CAMK2A: variants seen among roughly 807,000 people sequenced by gnomAD.
CAMK2A encodes the protein calcium/calmodulin dependent protein kinase II alpha.
Under a neutral mutation model 79.2 loss-of-function variants are expected in CAMK2A, and 7 were observed. That is an observed-to-expected ratio of 0.09 (90% CI 0.05 to 0.17). The LOEUF (loss-of-function observed/expected upper bound fraction) is 0.17, where lower values mean the gene tolerates loss of function less well. Among genes scored for constraint, CAMK2A ranks in the 10% least tolerant of loss-of-function variants. The pLI is 1.00. For missense variants in CAMK2A, 214 were observed against 646.4 expected, an observed-to-expected ratio of 0.33 and a Z score of 7.25; for synonymous variants, 242 against 251.7, an observed-to-expected ratio of 0.96 and a Z score of 0.36.
chr5:150,239,864 G>C, intron 13 of CAMK2A, 128 bp from the exon 14 acceptor site: 4 of 812,206 alleles, frequency 4.9e-6, no homozygotes, highest in Non-Finnish European at 8.6e-6. Flanking sequence ...GTCCTTTGTC[G>C]GCTTGGCATC....
chr5:150,239,705 A>G lies in CAMK2A; in HGVS notation c.1016T>C (p.Met339Thr). Reference protein sequence around the residue: ...KRKSSSSVQLMESSESTNTTI... With the variant: ...KRKSSSSVQLTESSESTNTTI... ...CGTTAGGAGACGGCAGACACTCACC[A>G]TTAACTGAACGCTGGAACTGGACTT... The change falls in exon 14 of 19, where the codon ATG becomes ACG. Residue 339 changes from methionine to threonine, a missense_variant and splice_region_variant. Met to Thr is a moderately conservative substitution (Grantham distance 81). Transcript: ENST00000671881. The G allele has an allele frequency of 6.2e-7, 1 of 1,614,014 alleles. No homozygotes were observed. The highest frequency in any genetic ancestry group is 8.5e-7 in the Non-Finnish European group (1 of 1,179,888).
At position 150,256,683 on chromosome 5, in the gene CAMK2A, G is replaced by A; in HGVS notation, c.339-38C>T. 3 of 1,609,170 alleles carry A rather than the reference G, an allele frequency of 1.9e-6. No individual in the cohort carries two copies. Among genetic ancestry groups the A allele is most frequent in the South Asian group, 1.1e-5 (1 of 90,942 alleles). The stretch of plus-strand genomic sequence containing the variant: ...AGAGGAAGGGGTCATGGTGGTGTGA[G>A]CACAGGCCTCCCCTGGGAAGCTGAC... On this transcript the variant is annotated intron_variant, in intron 5 of 18. Transcript: ENST00000671881. This position sits in a 1 kb window ranked among gnomAD's most constrained non-coding sequence, Gnocchi z 4.6.
intron 15 of CAMK2A, among the ~76,000 whole-genome samples, chr5:150,233,661 A>C (rs1345673221): frequency 6.6e-6 from 1 of 152,174 alleles, no homozygotes; most frequent in East Asian, 1.9e-4. Flanking sequence ...GACTTGCCCA[A>C]GTTGCCTGGT....
intron 14 of CAMK2A, among the ~76,000 whole-genome samples, chr5:150,239,495 G>C (rs996246964): frequency 6.6e-6 from 1 of 152,124 alleles, no homozygotes; most frequent in African/African-American, 2.4e-5. Context: ...TCAGCCTGCT[G>C]GTCTGGGCCG....
intron 3 of CAMK2A, among the ~76,000 whole-genome samples, chr5:150,261,955 C>T (rs755182867): frequency 1.3e-5 from 2 of 152,184 alleles, no homozygotes; most frequent in Non-Finnish European, 2.9e-5. Context: ...ACTTCCCTTC[C>T]CCACCACAAA....
At chr5:150,250,543 T>G (rs1755785661) in intron 10 of CAMK2A, 145 bp downstream of exon 10, 1 of 1,172,436 alleles carries the variant, frequency 8.5e-7, no homozygotes, top group Non-Finnish European at 1.2e-6. Context: ...GTTTCCACAT[T>G]ACCCCTGAGA....
chr5:150,238,828 C>A, intron 14 of CAMK2A, 80 bp from the exon 15 acceptor site: 2 of 1,265,480 alleles, frequency 1.6e-6, no homozygotes, highest in Non-Finnish European at 1.1e-6. Flanking sequence ...TGCCTGGTGA[C>A]GCGGCTGGTT....
chr5:150,255,769 AC>A lies in CAMK2A; in HGVS notation c.411+803del, dbSNP rs909721277. 3.4e-4 allele frequency among the ~76,000 whole-genome samples: 52 copies of A among 152,220 alleles called. 3 individuals carry two copies. Among genetic ancestry groups the A allele is most frequent in the Non-Finnish European group, 1.5e-5 (1 of 68,030 alleles). ...GAGCTGGATAGAGTGACCTTTTGGCACCAGACTCCCAAGGTCACAGGATCAG... is the reference window on the plus strand; with the variant it reads ...GAGCTGGATAGAGTGACCTTTTGGCACAGACTCCCAAGGTCACAGGATCAG... On this transcript the variant is annotated intron_variant, in intron 6 of 18. Transcript: ENST00000671881.
At chr5:150,247,694 A>G in intron 12 of CAMK2A, 78 bp downstream of exon 12, 1 of 1,205,404 alleles carries the variant, frequency 8.3e-7, no homozygotes, top group Non-Finnish European at 1.2e-6. Context: ...GCCTGGGGGC[A>G]CTCCAATATC....
chr5:150,256,496 C>G lies in CAMK2A; in HGVS notation c.411+77G>C. On this transcript the variant is annotated intron_variant, in intron 6 of 18. Transcript: ENST00000671881. This position sits in a 1 kb window ranked among gnomAD's most constrained non-coding sequence, Gnocchi z 4.6. ...GAAATTAAAGCGATTCTGATAATGTCCAGCTCTGCAGGATTAGGGACGTGC... is the reference window on the plus strand; with the variant it reads ...GAAATTAAAGCGATTCTGATAATGTGCAGCTCTGCAGGATTAGGGACGTGC... The G allele has an allele frequency of 1.0e-6, 1 of 959,714 alleles. No homozygotes were observed. Among genetic ancestry groups the G allele is most frequent in the Admixed American group, 1.9e-5 (1 of 53,080 alleles). The allele number at this position is 959,714 out of a possible 1,614,324, so 59.4% of individuals were successfully genotyped here.
intron 13 of CAMK2A, among the ~76,000 whole-genome samples, chr5:150,242,052 G>A (rs530937189): frequency 2.0e-4 from 30 of 152,330 alleles, no homozygotes; most frequent in African/African-American, 6.5e-4. Context: ...GGGGAGAGAG[G>A]TCACGATGCA....
intron 15 of CAMK2A, among the ~76,000 whole-genome samples, chr5:150,233,466 G>A (rs1754931709): frequency 2.0e-5 from 3 of 152,166 alleles, no homozygotes; most frequent in Admixed American, 2.0e-4. Context: ...CCTGGGCTGG[G>A]AATGAGTCCA....
chr5:150,241,485 T>A (rs1755336433), intron 13 of CAMK2A, among the ~76,000 whole-genome samples: 2 of 131,330 alleles, frequency 1.5e-5, no homozygotes, highest in Non-Finnish European at 3.2e-5. Flanking sequence ...TCCTCCTTCT[T>A]CTCTTCCTTC....
rs375813680 is a variant in CAMK2A at position 150,245,173 on chromosome 5, G to A, written c.972C>T (p.Ser324=). ...TGGAGGGGCTTACCTTCACACCATC[G>A]CTCTTCTTGTTTCCCCCACTCTTCC... ...SGGKSGGNKK[S]DGVKKRKSSS... is the part of the protein sequence containing the mutation. Residue 324 remains serine, a synonymous_variant, in exon 13 of 19, where the codon AGC becomes AGT. Coordinates refer to ENST00000671881, the MANE Select transcript of CAMK2A (RefSeq NM_015981.4). The A allele has an allele frequency of 6.3e-5, 102 of 1,613,838 alleles. No homozygotes were observed. Among genetic ancestry groups the A allele is most frequent in the Middle Eastern group, 1.6e-4 (1 of 6,078 alleles).
Position 150,225,937 on chromosome 5 carries a change from G to A in CAMK2A, c.1237+2255C>T, listed in dbSNP as rs112421855. On this transcript the variant is annotated intron_variant, in intron 17 of 18. Coordinates refer to ENST00000671881, the MANE Select transcript of CAMK2A (RefSeq NM_015981.4). ...TTTTTGTATTTTTAGTAAAGATGGC[G>A]TTTCACCATGTTGGCCAGACTGGTC... 4.7e-3 allele frequency among the ~76,000 whole-genome samples: 713 copies of A among 152,138 alleles called. 6 individuals are homozygous for A. Among genetic ancestry groups the A allele is most frequent in the African/African-American group, 0.016 (661 of 41,466 alleles).
intron 14 of CAMK2A, 96 bp from the exon 15 acceptor site, chr5:150,238,844 G>A: frequency 2.9e-6 from 3 of 1,026,164 alleles, no homozygotes; most frequent in Non-Finnish European, 2.8e-6. Context: ...TGGTTTCTGT[G>A]AGCCTCACAG....
intron 1 of CAMK2A, among the ~76,000 whole-genome samples, chr5:150,287,191 T>A (rs762439991): frequency 1.4e-4 from 21 of 152,208 alleles, no homozygotes; most frequent in Non-Finnish European, 2.6e-4. Flanking sequence ...GCGGAATCAG[T>A]CCACTTTATC....
At position 150,288,411 on chromosome 5, in the gene CAMK2A, A is replaced by T. The variant is rs115611911; in HGVS notation, c.62+1153T>A. On this transcript the variant is annotated intron_variant, in intron 1 of 18. Coordinates refer to ENST00000671881, the MANE Select transcript of CAMK2A (RefSeq NM_015981.4). ...GCACACTTGCATTTTCAGGCCTTAC[A>T]CACGAAGCACCTCTTCCTGGTGCAC... Among the ~76,000 whole-genome samples, 546 of 152,214 alleles carry T rather than the reference A, an allele frequency of 3.6e-3. 7 individuals are homozygous for T. Among genetic ancestry groups the T allele is most frequent in the African/African-American group, 0.013 (522 of 41,508 alleles).
chr5:150,246,011 G>A (rs1755552940), intron 12 of CAMK2A, among the ~76,000 whole-genome samples: 1 of 152,222 alleles, frequency 6.6e-6, no homozygotes, highest in African/African-American at 2.4e-5. Context: ...ATGAAACAAG[G>A]TATCTGTGAA....
Sources: gnomAD v4.1 joint callset for allele counts (sites outside exome capture counted in the v4.1 genomes callset) on GRCh38, gnomAD v4.1.1 for gene constraint, Gnocchi (gnomAD v3.1) non-coding constraint, MANE v1.5 for transcripts, NCBI Gene and HGNC (gene_info 2026-07-23, HGNC 2026-07-21) for gene names.